Variants in KMT5B observed in about 807,000 individuals in gnomAD.
KMT5B encodes the protein lysine methyltransferase 5B.
KMT5B carries 10 observed loss-of-function variants against 83.2 expected under a neutral mutation model. The observed-to-expected ratio is 0.12, with a 90% CI of 0.07 to 0.20. The LOEUF is 0.20. Among genes scored for constraint, KMT5B ranks in the 10% least tolerant of loss-of-function variants. The pLI is 1.00. For missense variants in KMT5B, 753 were observed against 1,067.2 expected (o/e 0.71, Z 4.10); for synonymous variants, 349 against 388.8 (o/e 0.90, Z 1.20).
At chr11:68,188,181 C>T (rs1283849641) in intron 2 of KMT5B, among the ~76,000 whole-genome samples, 2 of 151,824 alleles carry the variant, frequency 1.3e-5, no homozygotes, top group African/African-American at 2.4e-5. Context: ...CCTGCCACCA[C>T]GCCCAGCTGA....
At position 68,155,308 on chromosome 11, in the gene KMT5B, A is replaced by C. The variant is rs1859213375; in HGVS notation, c.*2380T>G. 1 of 152,180 alleles carries C rather than the reference A, an allele frequency of 6.6e-6. No individual in the cohort carries two copies. Among genetic ancestry groups the C allele is most frequent in the South Asian group, 2.1e-4 (1 of 4,826 alleles). 9.4% of individuals were successfully genotyped at this position (152,180 alleles called of 1,614,324 possible). ...CCAACGGAAATTAGGTTTCCCTAGA[A>C]GGCATCAACAGTGGCTGCTGAGTGC... is the stretch of plus-strand genomic sequence containing the variant. On this transcript the variant is annotated 3_prime_UTR_variant, in exon 11 of 11. Coordinates refer to ENST00000304363, the MANE Select transcript of KMT5B (RefSeq NM_017635.5).
At chr11:68,160,196 A>G (rs2153041894) in intron 10 of KMT5B, among the ~76,000 whole-genome samples, 1 of 152,318 alleles carries the variant, frequency 6.6e-6, no homozygotes, top group East Asian at 1.9e-4. Flanking sequence ...ACGTGCTGTC[A>G]ATATAAAGAA....
intron 1 of KMT5B, among the ~76,000 whole-genome samples, chr11:68,194,811 C>T (rs542765702): frequency 7.2e-5 from 11 of 152,280 alleles, no homozygotes; most frequent in South Asian, 2.1e-4. Flanking sequence ...TTCATTGGTA[C>T]AGATGCATAA....
chr11:68,166,867 C>G (rs1294427016), intron 10 of KMT5B, 115 bp downstream of exon 10: 2 of 1,486,378 alleles, frequency 1.3e-6, no homozygotes, highest in African/African-American at 1.4e-5. Flanking sequence ...CCAAAGCTCA[C>G]AAGTCCCAGT....
At chr11:68,195,130 C>T (rs1306806408) in intron 1 of KMT5B, among the ~76,000 whole-genome samples, 2 of 152,036 alleles carry the variant, frequency 1.3e-5, no homozygotes, top group East Asian at 1.9e-4. Context: ...TGAGCCATGA[C>T]CATGCCATTA....
chr11:68,162,930 T>G (rs1854987452), intron 10 of KMT5B, among the ~76,000 whole-genome samples: 1 of 152,046 alleles, frequency 6.6e-6, no homozygotes, highest in Non-Finnish European at 1.5e-5. Context: ...GTGACAAGAG[T>G]CCTTCACTGT....
intron 1 of KMT5B, among the ~76,000 whole-genome samples, chr11:68,191,377 C>T (rs576307882): frequency 4.0e-5 from 6 of 151,766 alleles, no homozygotes; most frequent in South Asian, 4.2e-4. Flanking sequence ...TCTGTCGCCC[C>T]GGCTAGAGTG....
intron 10 of KMT5B, chr11:68,166,463 A>G: frequency 2.0e-6 from 2 of 1,000,806 alleles, no homozygotes; most frequent in Non-Finnish European, 2.4e-6. Flanking sequence ...CTCTATCACA[A>G]TTCTGAGTCT....
At chr11:68,163,261 T>C (rs1463747196) in intron 10 of KMT5B, among the ~76,000 whole-genome samples, 1 of 152,182 alleles carries the variant, frequency 6.6e-6, no homozygotes, top group Non-Finnish European at 1.5e-5. Context: ...ACATTCATCC[T>C]AATGAACGCC....
At position 68,180,530 on chromosome 11, in the gene KMT5B, A is replaced by C. The variant is rs964005099; in HGVS notation, c.309-330T>G. Among the ~76,000 whole-genome samples, 4 of 152,250 alleles carry C rather than the reference A, an allele frequency of 2.6e-5. No individual in the cohort carries two copies. The South Asian group carries it at 8.3e-4, about 31-fold the overall frequency. Reference sequence around the variant, plus strand: ...GGATATGAATAATCAAATACATATAAAAGTGAAATAAAAATTAGATGGTTA... The same window carrying C: ...GGATATGAATAATCAAATACATATACAAGTGAAATAAAAATTAGATGGTTA... On this transcript the variant is annotated intron_variant, in intron 3 of 10. Transcript: ENST00000304363.
rs762741835 is a variant in KMT5B at position 68,167,070 on chromosome 11, T to C, written c.1086A>G (p.Lys362=). The C allele has an allele frequency of 4.3e-6, 7 of 1,614,210 alleles. No individual in the cohort carries two copies. The highest frequency in any genetic ancestry group is 1.3e-5 in the African/African-American group (1 of 75,064). The part of the protein sequence containing the change: ...RETDKRLNRL[K]KLGDSSKNSD... ...AATTTTTGCTGCTGTCACCTAACTTTTTAAGCCTATTTAAACGTTTATCTG... is the reference window on the plus strand; with the variant it reads ...AATTTTTGCTGCTGTCACCTAACTTCTTAAGCCTATTTAAACGTTTATCTG... The change falls in exon 10 of 11, where the codon AAA becomes AAG. Residue 362 remains lysine (K), a synonymous_variant. Coordinates refer to ENST00000304363, the MANE Select transcript of KMT5B (RefSeq NM_017635.5).
chr11:68,189,093 T>C (rs1444548561), intron 2 of KMT5B, among the ~76,000 whole-genome samples: 2 of 152,206 alleles, frequency 1.3e-5, no homozygotes, highest in African/African-American at 4.8e-5. Flanking sequence ...AATCTGAAAC[T>C]ACAGAAAATC....
At chr11:68,168,130 C>A (rs531227559) in intron 9 of KMT5B, among the ~76,000 whole-genome samples, 2 of 152,140 alleles carry the variant, frequency 1.3e-5, no homozygotes, top group African/African-American at 4.8e-5. Flanking sequence ...GAGTTGAGAT[C>A]GAAACTTACA....
At chr11:68,199,501 G>A (rs1264957650) in intron 1 of KMT5B, among the ~76,000 whole-genome samples, 3 of 152,144 alleles carry the variant, frequency 2.0e-5, no homozygotes, top group Non-Finnish European at 4.4e-5. Context: ...GGGAGGATGA[G>A]GTCAGAGAGG....
intron 1 of KMT5B, among the ~76,000 whole-genome samples, chr11:68,208,688 T>A (rs1338569986): frequency 6.6e-6 from 1 of 151,770 alleles, no homozygotes; most frequent in East Asian, 1.9e-4. Flanking sequence ...AAATCAAAAT[T>A]GTAAATATAA....
Position 68,180,168 on chromosome 11 carries a change from GA to G in KMT5B, c.340del (p.Ser114GlnfsTer12). On this transcript the variant is annotated frameshift_variant, in exon 4 of 11. Coordinates refer to ENST00000304363, the MANE Select transcript of KMT5B (RefSeq NM_017635.5). LOFTEE classifies it high-confidence loss of function. ...GTTGTGAGAAAAACTGTCAGATTTTGAAAAATGCCTTGAGCTCCTCGAAGGA... is the reference window on the plus strand; with the variant it reads ...GTTGTGAGAAAAACTGTCAGATTTTGAAAATGCCTTGAGCTCCTCGAAGGA... ...AFPSRSSRHF[S>X]KSDSFSHNNP... 6.3e-7 allele frequency: 1 copy of G among 1,575,244 alleles called. No individual in the cohort carries two copies. Among genetic ancestry groups the G allele is most frequent in the Non-Finnish European group, 8.7e-7 (1 of 1,148,832 alleles).
At position 68,206,352 on chromosome 11, in the gene KMT5B, A is replaced by C. The variant is rs1268814755; in HGVS notation, c.-77+6786T>G. ...ACTGTAAGTACAGCCTTTACAGCCC[A>C]CAGTTTCTGTCAGAAGTTACAAGAA... On this transcript the variant is annotated intron_variant, in intron 1 of 10. Coordinates refer to ENST00000304363, the MANE Select transcript of KMT5B (RefSeq NM_017635.5). Among the ~76,000 whole-genome samples, 4 of 152,208 alleles carry C rather than the reference A, an allele frequency of 2.6e-5. 1 individual carries two copies. The highest frequency in any genetic ancestry group is 3.8e-4 in the East Asian group (2 of 5,198).
At chr11:68,182,701 A>G (rs1322039558) in intron 3 of KMT5B, among the ~76,000 whole-genome samples, 1 of 151,412 alleles carries the variant, frequency 6.6e-6, no homozygotes, top group Non-Finnish European at 1.5e-5. Context: ...GAGTACATGA[A>G]GTTCTGTCAT....
At chr11:68,160,094 A>G (rs78601096) in intron 10 of KMT5B, among the ~76,000 whole-genome samples, 1 of 152,238 alleles carries the variant, frequency 6.6e-6, no homozygotes, top group Admixed American at 6.5e-5. Flanking sequence ...TAGGTAGAAA[A>G]TATTTTTTAA....
Sources: gnomAD v4.1 joint callset for allele counts (sites outside exome capture counted in the v4.1 genomes callset) on GRCh38, gnomAD v4.1.1 for gene constraint, MANE v1.5 for transcripts, NCBI Gene and HGNC (gene_info 2026-07-23, HGNC 2026-07-21) for gene names.